Variants in CTXN2 observed in about 807,000 individuals in gnomAD.
CTXN2 encodes the protein cortexin-2.
A neutral mutation model predicts 5.7 loss-of-function variants in CTXN2; 3 were observed. That is an observed-to-expected ratio of 0.53 (90% CI 0.24 to 1.36). CTXN2 has a LOEUF of 1.36. Among genes scored for constraint, CTXN2 ranks in the 40% most tolerant of loss-of-function variants. CTXN2 has a pLI of 0.17. For synonymous variants in CTXN2, 38 were observed against 36.4 expected, an observed-to-expected ratio of 1.04 and a Z score of -0.16; for missense variants, 87 against 93.0, an observed-to-expected ratio of 0.94 and a Z score of 0.26.
upstream of CTXN2, among the ~76,000 whole-genome samples, chr15:48,188,486 T>C (rs2040781335): frequency 6.6e-6 from 1 of 152,192 alleles, no homozygotes; most frequent in Non-Finnish European, 1.5e-5. Context: ...CTTGGGCATC[T>C]TTATATAAGA....
chr15:48,201,840 G>C lies in CTXN2; in HGVS notation c.*294G>C. On this transcript the variant is annotated 3_prime_UTR_variant, in exon 2 of 2. Coordinates refer to ENST00000417307, the MANE Select transcript of CTXN2 (RefSeq NM_001145668.2). ...GCCTTGAATTTCTGCTTCCTTTCTT[G>C]TGCTAATAAACTGTGCCAAAGGCAT... 1 of 373,906 alleles carries C rather than the reference G, an allele frequency of 2.7e-6. No homozygotes were observed. The highest frequency in any genetic ancestry group is 3.3e-5 in the South Asian group (1 of 30,376). The allele number at this position is 373,906 out of a possible 1,614,324, so 23.2% of individuals were successfully genotyped here. A position where few individuals can be genotyped will look rare whatever the true frequency, so the allele number is the denominator to read the frequency against.
chr15:48,198,937 T>C (rs2040903893), intron 1 of CTXN2, among the ~76,000 whole-genome samples: 2 of 152,182 alleles, frequency 1.3e-5, no homozygotes, highest in Admixed American at 6.6e-5. Context: ...GCTTTAACTT[T>C]TGTGATGTCA....
chr15:48,187,715 A>G (rs1039589153), upstream of CTXN2, among the ~76,000 whole-genome samples: 1 of 152,216 alleles, frequency 6.6e-6, no homozygotes, highest in African/African-American at 2.4e-5. Flanking sequence ...TGACAACCTC[A>G]TTCTAGAATA....
chr15:48,196,508 T>G (rs2140984713), intron 1 of CTXN2, among the ~76,000 whole-genome samples: 1 of 152,210 alleles, frequency 6.6e-6, no homozygotes, highest in African/African-American at 2.4e-5. Flanking sequence ...GAACCCGATA[T>G]TTATTAGGGT....
In CTXN2 at chr15:48,180,776, C is replaced by G. The variant is rs539140551; in HGVS notation, c.-455+2376C>G. Reference sequence around the variant, plus strand: ...CTGCCTGCCTTGGCCTCCCAAATTGCTGGGATTACAGGCGTGAGCCAGAGC... The same window carrying G: ...CTGCCTGCCTTGGCCTCCCAAATTGGTGGGATTACAGGCGTGAGCCAGAGC... On this transcript the variant is annotated intron_variant, in intron 1 of 2. Coordinates refer to the CTXN2 transcript ENST00000644354. 5.9e-5 allele frequency among the ~76,000 whole-genome samples: 9 copies of G among 152,342 alleles called. No individual in the cohort carries two copies. In the South Asian group the frequency reaches 1.0e-3, roughly 18 times the overall value.
At chr15:48,186,287 C>G (rs1567289904) in intron 1 of CTXN2, among the ~76,000 whole-genome samples, 1 of 152,060 alleles carries the variant, frequency 6.6e-6, no homozygotes, top group Non-Finnish European at 1.5e-5. Context: ...TTTTTCTTTG[C>G]AGAAAAGTTT....
rs995784309 is a variant in CTXN2 at position 48,202,794 on chromosome 15, T to C, written c.*1248T>C. ...CTCTCTAGTATTTCATTCTCTTCAA[T>C]TGAGAAATAAAAAGATAAAATTATA... On this transcript the variant is annotated 3_prime_UTR_variant, in exon 2 of 2. Coordinates refer to ENST00000417307, the MANE Select transcript of CTXN2 (RefSeq NM_001145668.2). 1.2e-5 allele frequency: 2 copies of C among 166,662 alleles called. No homozygotes were observed. The highest frequency in any genetic ancestry group is 2.9e-5 in the Non-Finnish European group (2 of 68,106). 10.3% of individuals were successfully genotyped at this position (166,662 alleles called of 1,614,324 possible).
chr15:48,185,782 G>T (rs757321358), intron 1 of CTXN2, among the ~76,000 whole-genome samples: 3 of 152,090 alleles, frequency 2.0e-5, no homozygotes, highest in Non-Finnish European at 4.4e-5. Flanking sequence ...TAAGCCAAGA[G>T]GAAAAAGGAG....
intron 1 of CTXN2, 34 bp from the exon 2 acceptor site, chr15:48,201,210 G>A: frequency 7.3e-7 from 1 of 1,371,996 alleles, no homozygotes; most frequent in Non-Finnish European, 1.0e-6. Context: ...ACCATACAAG[G>A]GTAAAACTAA....
At chr15:48,186,720 G>A (rs1265910899), upstream of CTXN2, among the ~76,000 whole-genome samples, 5 of 151,756 alleles carry the variant, frequency 3.3e-5, no homozygotes, top group Non-Finnish European at 4.4e-5. Context: ...CCAACATGCT[G>A]AAACCCTGAT....
At position 48,201,274 on chromosome 15, in the gene CTXN2, A is replaced by G. The variant is rs769044442; in HGVS notation, c.-27A>G. On this transcript the variant is annotated 5_prime_UTR_variant, in exon 2 of 2. Coordinates refer to ENST00000417307, the MANE Select transcript of CTXN2 (RefSeq NM_001145668.2). ...GAGTTGATTCCAGAAGGAACTGTGAAGAGCCACAACAATGTGCCAGTGAAT... is the reference window on the plus strand; with the variant it reads ...GAGTTGATTCCAGAAGGAACTGTGAGGAGCCACAACAATGTGCCAGTGAAT... The G allele has an allele frequency of 7.5e-5, 116 of 1,549,244 alleles. 1 individual carries two copies. The highest frequency in any genetic ancestry group is 9.7e-5 in the Non-Finnish European group (111 of 1,145,322).
chr15:48,201,922 C>T lies in CTXN2; in HGVS notation c.*376C>T, dbSNP rs2040932684. 1 of 227,238 alleles carries T rather than the reference C, an allele frequency of 4.4e-6. No individual in the cohort carries two copies. The highest frequency in any genetic ancestry group is 2.3e-5 in the African/African-American group (1 of 43,504). The allele number at this position is 227,238 out of a possible 1,614,324, so 14.1% of individuals were successfully genotyped here. A position where few individuals can be genotyped will look rare whatever the true frequency, so the allele number is the denominator to read the frequency against. On this transcript the variant is annotated 3_prime_UTR_variant, in exon 2 of 2. Coordinates refer to ENST00000417307, the MANE Select transcript of CTXN2 (RefSeq NM_001145668.2). The stretch of plus-strand genomic sequence containing the variant: ...TCCCCTCCACATTCCTGACTCAGAC[C>T]CCTTTAGCTTTAGTGAGTCAGGTCT...
intron 1 of CTXN2, among the ~76,000 whole-genome samples, chr15:48,183,340 C>T (rs965991985): frequency 6.6e-6 from 1 of 151,978 alleles, no homozygotes; most frequent in Admixed American, 6.6e-5. Flanking sequence ...GATCTCAAAC[C>T]GAAAATGCTA....
intron 1 of CTXN2, among the ~76,000 whole-genome samples, chr15:48,196,588 A>G (rs1047930509): frequency 2.6e-5 from 4 of 152,140 alleles, no homozygotes; most frequent in Admixed American, 2.0e-4. Flanking sequence ...CCACAAAGAT[A>G]TCATGGGAGA....
upstream of CTXN2, chr15:48,191,608 A>C: frequency 2.3e-6 from 1 of 427,762 alleles, no homozygotes; most frequent in South Asian, 1.7e-5. Context: ...AAATCCATGC[A>C]CGTTTTCCTG....
At position 48,203,139 on chromosome 15, in the gene CTXN2, G is replaced by A. The variant is rs1049130868; in HGVS notation, c.*1593G>A. 6 of 167,042 alleles carry A rather than the reference G, an allele frequency of 3.6e-5. No homozygotes were observed. The highest frequency in any genetic ancestry group is 8.8e-5 in the Non-Finnish European group (6 of 68,112). The allele number at this position is 167,042 out of a possible 1,614,324, so 10.3% of individuals were successfully genotyped here. On this transcript the variant is annotated 3_prime_UTR_variant, in exon 2 of 2. Coordinates refer to ENST00000417307, the MANE Select transcript of CTXN2 (RefSeq NM_001145668.2). ...GTCACCATAGCTAGGGAATGGTTAT[G>A]TTAGGGATTGAACTTGGGCAGTTTG...
At chr15:48,199,390 C>G (rs1409913896) in intron 1 of CTXN2, among the ~76,000 whole-genome samples, 1 of 152,106 alleles carries the variant, frequency 6.6e-6, no homozygotes, top group African/African-American at 2.4e-5. Flanking sequence ...ATCCATAAAC[C>G]ATGTTTATTG....
At chr15:48,193,493 T>G (rs2040845311) in intron 1 of CTXN2, among the ~76,000 whole-genome samples, 1 of 152,114 alleles carries the variant, frequency 6.6e-6, no homozygotes, top group Admixed American at 6.5e-5. Context: ...TTATATGGAT[T>G]TTTTAATATA....
chr15:48,202,370 T>A lies in CTXN2; in HGVS notation c.*824T>A, dbSNP rs868794514. 6.0e-6 allele frequency: 1 copy of A among 167,088 alleles called. No individual in the cohort carries two copies. Among genetic ancestry groups the A allele is most frequent in the South Asian group, 2.1e-4 (1 of 4,832 alleles). The allele number at this position is 167,088 out of a possible 1,614,324, so 10.4% of individuals were successfully genotyped here. ...GCTTCAGTGAAGAGTAGTGTTAACA[T>A]CCTTTTCAATTCTAGTGCCCTATGA... On this transcript the variant is annotated 3_prime_UTR_variant, in exon 2 of 2. Coordinates refer to ENST00000417307, the MANE Select transcript of CTXN2 (RefSeq NM_001145668.2).
Sources: allele counts gnomAD v4.1 joint callset (sites outside exome capture counted in the v4.1 genomes callset), GRCh38; gene constraint gnomAD v4.1.1; transcripts MANE v1.5; gene names NCBI Gene and HGNC (gene_info 2026-07-23, HGNC 2026-07-21).